Variants in CTNND2 observed in about 807,000 individuals in gnomAD.
CTNND2 encodes the protein catenin delta 2.
Under a neutral mutation model 144.4 loss-of-function variants are expected in CTNND2, and 22 were observed. The observed-to-expected ratio is 0.15, with a 90% CI of 0.11 to 0.22. The LOEUF (loss-of-function observed/expected upper bound fraction) is 0.22. Among genes scored for constraint, CTNND2 ranks in the 10% least tolerant of loss-of-function variants. CTNND2 has a pLI of 1.00. For missense variants in CTNND2, 1,353 were observed against 1,618.8 expected, an observed-to-expected ratio of 0.84 and a Z score of 2.82; for synonymous variants, 751 against 695.6, an observed-to-expected ratio of 1.08 and a Z score of -1.25.
intron 3 of CTNND2, among the ~76,000 whole-genome samples, chr5:11,560,884 A>G (rs1485218726): frequency 2.0e-5 from 3 of 152,242 alleles, no homozygotes; most frequent in African/African-American, 7.2e-5. Flanking sequence ...TGGTTTATGT[A>G]TCCTGCAGAT....
At chr5:11,675,289 T>G (rs551047141) in intron 2 of CTNND2, among the ~76,000 whole-genome samples, 87 of 152,214 alleles carry the variant, frequency 5.7e-4, no homozygotes, top group Middle Eastern at 3.4e-3. Flanking sequence ...CCAATCCCTG[T>G]TTTAACCGTG....
At chr5:11,310,538 T>A (rs960584719) in intron 9 of CTNND2, among the ~76,000 whole-genome samples, 3 of 151,962 alleles carry the variant, frequency 2.0e-5, no homozygotes, top group Non-Finnish European at 2.9e-5. Context: ...GCAACTCAGC[T>A]CTGATTCTGT....
chr5:11,288,820 C>T (rs80025641), intron 9 of CTNND2, among the ~76,000 whole-genome samples: 1 of 139,956 alleles, frequency 7.1e-6, no homozygotes, highest in East Asian at 2.1e-4. Flanking sequence ...AAAAGAAAAC[C>T]AAAAAAGAAA....
chr5:11,662,128 T>TAC (rs1346099073), intron 2 of CTNND2, among the ~76,000 whole-genome samples: 8 of 145,510 alleles, frequency 5.5e-5, no homozygotes, highest in South Asian at 4.3e-4. Context: ...TATATATATA[T>TAC]ACATATATGT....
chr5:11,728,515 TCTTA>T (rs1012156237), intron 2 of CTNND2, among the ~76,000 whole-genome samples: 1 of 152,098 alleles, frequency 6.6e-6, no homozygotes, highest in Admixed American at 6.6e-5. Flanking sequence ...AATGTCTTAC[TCTTA>T]CTTTCCTATA....
At chr5:11,865,882 C>T (rs1795738231) in intron 1 of CTNND2, among the ~76,000 whole-genome samples, 1 of 96,232 alleles carries the variant, frequency 1.0e-5, no homozygotes. Context: ...GTGGGGGCAA[C>T]CTTTAGAAGC....
Position 11,670,373 on chromosome 5 carries a change from T to C in CTNND2, c.174+61763A>G, listed in dbSNP as rs1305452675. 3.9e-5 allele frequency among the ~76,000 whole-genome samples: 6 copies of C among 152,188 alleles called. No individual in the cohort carries two copies. In the East Asian group the frequency reaches 1.2e-3, roughly 29 times the overall value. On this transcript the variant is annotated intron_variant, in intron 2 of 21. Coordinates refer to ENST00000304623, the MANE Select transcript of CTNND2 (RefSeq NM_001332.4). ...CTGTTAAAGTCTTCCATTATTATTGTGTGGGAGTCTAAGTCTCTTTTTAGG... is the reference window on the plus strand; with the variant it reads ...CTGTTAAAGTCTTCCATTATTATTGCGTGGGAGTCTAAGTCTCTTTTTAGG...
intron 1 of CTNND2, among the ~76,000 whole-genome samples, chr5:11,799,932 C>G (rs576234961): frequency 6.6e-6 from 1 of 152,300 alleles, no homozygotes; most frequent in African/African-American, 2.4e-5. Flanking sequence ...TCCAAACTCC[C>G]TCTTCAATTA....
intron 16 of CTNND2, among the ~76,000 whole-genome samples, chr5:11,047,050 T>A (rs1745336305): frequency 6.6e-6 from 1 of 152,238 alleles, no homozygotes; most frequent in African/African-American, 2.4e-5. Flanking sequence ...CAGTGACTCT[T>A]CTCAGCAGAG....
At chr5:11,846,488 T>C (rs951609703) in intron 1 of CTNND2, among the ~76,000 whole-genome samples, 4 of 152,166 alleles carry the variant, frequency 2.6e-5, no homozygotes, top group African/African-American at 9.6e-5. Context: ...ACTATGCAAT[T>C]AGTTGAAGAA....
intron 3 of CTNND2, among the ~76,000 whole-genome samples, chr5:11,490,923 G>A (rs1044927113): frequency 1.3e-5 from 2 of 152,152 alleles, no homozygotes; most frequent in African/African-American, 4.8e-5. Flanking sequence ...AGGAGGTTGA[G>A]GCTACAGCGA....
intron 1 of CTNND2, among the ~76,000 whole-genome samples, chr5:11,805,708 T>C (rs1791955895): frequency 8.0e-6 from 1 of 125,324 alleles, no homozygotes; most frequent in Admixed American, 7.4e-5. Flanking sequence ...AATAAATAAG[T>C]AAATGGGGAG....
intron 2 of CTNND2, among the ~76,000 whole-genome samples, chr5:11,613,761 C>G (rs1780448268): frequency 6.6e-6 from 1 of 152,138 alleles, no homozygotes; most frequent in Admixed American, 6.5e-5. Flanking sequence ...CTGGGTAAAG[C>G]TAGGATTAGA....
intron 9 of CTNND2, among the ~76,000 whole-genome samples, chr5:11,304,882 T>C (rs149358832): frequency 7.0e-4 from 107 of 152,332 alleles, no homozygotes; most frequent in African/African-American, 2.3e-3. Context: ...CTAAGCTCAA[T>C]GCGGAAAAGA....
At chr5:11,262,617 C>T (rs993918941) in intron 9 of CTNND2, among the ~76,000 whole-genome samples, 22 of 151,654 alleles carry the variant, frequency 1.5e-4, no homozygotes, top group African/African-American at 5.1e-4. Context: ...AAAAAATTAG[C>T]TGGGCGTGGT....
chr5:11,485,359 G>C (rs1768701346), intron 3 of CTNND2, among the ~76,000 whole-genome samples: 1 of 125,906 alleles, frequency 7.9e-6, no homozygotes, highest in South Asian at 3.0e-4. Context: ...GTGTGTGTGT[G>C]TGTGTGTGTG....
In CTNND2 at chr5:11,514,842, G is replaced by A. The variant is rs150315974; in HGVS notation, c.287+50102C>T. ...TCTTGAGACTTAGTCCCGCTCTGTC[G>A]CCCAAGATGGAGTGCAGTGGTGCGA... On this transcript the variant is annotated intron_variant, in intron 3 of 21. Coordinates refer to ENST00000304623, the MANE Select transcript of CTNND2 (RefSeq NM_001332.4). Among the ~76,000 whole-genome samples the A allele has an allele frequency of 4.5e-4, 69 of 152,174 alleles. 1 individual carries two copies. The East Asian group carries it at 9.1e-3, about 20-fold the overall frequency.
chr5:11,150,159 T>C (rs962741970), intron 12 of CTNND2, among the ~76,000 whole-genome samples: 18 of 152,164 alleles, frequency 1.2e-4, no homozygotes, highest in African/African-American at 3.9e-4. Context: ...CACACTACTG[T>C]TGAGTCAGTG....
chr5:11,805,001 A>C (rs1791912428), intron 1 of CTNND2, among the ~76,000 whole-genome samples: 1 of 152,186 alleles, frequency 6.6e-6, no homozygotes, highest in South Asian at 2.1e-4. Flanking sequence ...AGGGAAAATA[A>C]TCATTTTAAT....
Sources: gnomAD v4.1 joint callset for allele counts (sites outside exome capture counted in the v4.1 genomes callset) on GRCh38, gnomAD v4.1.1 for gene constraint, MANE v1.5 for transcripts, NCBI Gene and HGNC (gene_info 2026-07-23, HGNC 2026-07-21) for gene names.